The following GBE1 variants were observed in gnomAD, a reference collection of about 807,000 sequenced individuals.
The protein encoded by GBE1 is 1,4-alpha-glucan branching enzyme 1, also known as 1,4-alpha-glucan-branching enzyme.
A neutral mutation model predicts 88.8 loss-of-function variants in GBE1; 70 were observed. That is an observed-to-expected ratio of 0.79 (90% CI 0.65 to 0.96). GBE1 has a LOEUF of 0.96. GBE1 is among the 40% of genes least tolerant of loss of function. GBE1 has a pLI of 0.00. For missense variants in GBE1, 872 were observed against 871.0 expected (o/e 1.00, Z -0.01); for synonymous variants, 284 against 300.1 (o/e 0.95, Z 0.56).
At chr3:81,502,242 A>C (rs1430029713) in intron 14 of GBE1, among the ~76,000 whole-genome samples, 1 of 152,156 alleles carries the variant, frequency 6.6e-6, no homozygotes, top group East Asian at 1.9e-4. Flanking sequence ...AGGACAGTAA[A>C]AGAACAATTG....
chr3:81,551,788 T>C (rs868237082), intron 12 of GBE1, among the ~76,000 whole-genome samples: 15 of 152,166 alleles, frequency 9.9e-5, no homozygotes, highest in African/African-American at 3.4e-4. Context: ...CTTGGCAAAA[T>C]AAACTTTCTA....
chr3:81,557,958 A>G (rs181258251), intron 12 of GBE1, among the ~76,000 whole-genome samples: 14 of 152,196 alleles, frequency 9.2e-5, no homozygotes, highest in African/African-American at 3.4e-4. Flanking sequence ...CTGCAAGTCA[A>G]TGATGATCTT....
intron 2 of GBE1, among the ~76,000 whole-genome samples, chr3:81,690,511 T>C (rs1174817429): frequency 6.6e-6 from 1 of 152,220 alleles, no homozygotes; most frequent in Non-Finnish European, 1.5e-5. Flanking sequence ...CTACTCACTA[T>C]TTTATAGTTA....
intron 7 of GBE1, among the ~76,000 whole-genome samples, chr3:81,600,373 T>A (rs1704016002): frequency 6.6e-6 from 1 of 152,178 alleles, no homozygotes; most frequent in Non-Finnish European, 1.5e-5. Context: ...CACTTAAATT[T>A]ATAATTATGT....
At chr3:81,555,536 TG>T (rs1320092964) in intron 12 of GBE1, among the ~76,000 whole-genome samples, 1 of 152,212 alleles carries the variant, frequency 6.6e-6, no homozygotes, top group Non-Finnish European at 1.5e-5. Context: ...ACTTAAATTA[TG>T]CCATCTGGAG....
Position 81,591,081 on chromosome 3 carries a change from G to C in GBE1, c.1192C>G (p.His398Asp). Residue 398 changes from histidine to aspartate, a missense_variant, in exon 9 of 16, where the codon CAT (histidine) becomes GAT (aspartate). His to Asp is a moderately conservative substitution (Grantham distance 81). Coordinates refer to ENST00000429644, the MANE Select transcript of GBE1 (RefSeq NM_000158.4). ...DALTYLMLAN[H>D]LVHTLCPDSI... ...TCGGGACACAGCGTGTGAACCAAAT[G>C]ATTTGCCAACATGAGGTAAGTCAAG... is the stretch of plus-strand genomic sequence containing the variant. 1 of 1,610,208 alleles carries C rather than the reference G, an allele frequency of 6.2e-7. No homozygotes were observed. The highest frequency in any genetic ancestry group is 8.5e-7 in the Non-Finnish European group (1 of 1,177,920).
intron 15 of GBE1, among the ~76,000 whole-genome samples, chr3:81,496,700 C>T (rs1468888409): frequency 6.6e-6 from 1 of 152,154 alleles, no homozygotes; most frequent in Non-Finnish European, 1.5e-5. Flanking sequence ...AGAATAGGTA[C>T]ATTTGTTAAT....
At chr3:81,603,632 T>A (rs1287365695) in intron 7 of GBE1, among the ~76,000 whole-genome samples, 2 of 152,058 alleles carry the variant, frequency 1.3e-5, no homozygotes, top group Non-Finnish European at 2.9e-5. Context: ...GTAGCTGGGA[T>A]TACAGGCACC....
chr3:81,547,917 C>T (rs1703229777), intron 12 of GBE1, among the ~76,000 whole-genome samples: 1 of 151,320 alleles, frequency 6.6e-6, no homozygotes, highest in South Asian at 2.1e-4. Flanking sequence ...ACAAACTTCG[C>T]TGCAGGTCCC....
intron 1 of GBE1, among the ~76,000 whole-genome samples, chr3:81,750,541 ATATATATATG>A (rs1235317814): frequency 0.019 from 1,899 of 97,436 alleles, 217 homozygotes; most frequent in African/African-American, 0.046. Flanking sequence ...ATATATACGT[ATATATATATG>A]TATATATATA....
At chr3:81,720,765 G>A (rs757427705) in intron 1 of GBE1, among the ~76,000 whole-genome samples, 12 of 151,338 alleles carry the variant, frequency 7.9e-5, no homozygotes, top group Admixed American at 1.3e-4. Context: ...TGTTTATTGC[G>A]GCACTATTCA....
intron 7 of GBE1, among the ~76,000 whole-genome samples, chr3:81,611,020 T>A (rs1028815903): frequency 2.0e-5 from 3 of 151,492 alleles, no homozygotes; most frequent in African/African-American, 4.8e-5. Flanking sequence ...AAAAAAGTAA[T>A]CTTTATAGTA....
intron 8 of GBE1, among the ~76,000 whole-genome samples, chr3:81,593,033 T>TC (rs140069120): frequency 0.071 from 10,811 of 152,004 alleles, 681 homozygotes; most frequent in African/African-American, 0.16. Flanking sequence ...TTTCTTTTTT[T>TC]CTGTTTATTG....
At chr3:81,566,590 ATAGTTCTCTGG>A (rs1703497580) in intron 12 of GBE1, among the ~76,000 whole-genome samples, 1 of 152,124 alleles carries the variant, frequency 6.6e-6, no homozygotes, top group Non-Finnish European at 1.5e-5. Flanking sequence ...ACACCCTACT[ATAGTTCTCTGG>A]TATTTTCACT....
intron 14 of GBE1, among the ~76,000 whole-genome samples, chr3:81,527,874 CCCAAAGGA>C (rs1559634656): frequency 6.6e-6 from 1 of 151,950 alleles, no homozygotes; most frequent in African/African-American, 2.4e-5. Context: ...TGGGTATATA[CCCAAAGGA>C]TTATAAATCA....
At chr3:81,590,547 T>C (rs1703863270) in intron 9 of GBE1, among the ~76,000 whole-genome samples, 2 of 151,958 alleles carry the variant, frequency 1.3e-5, no homozygotes, top group Non-Finnish European at 2.9e-5. Flanking sequence ...CCTTCAACAA[T>C]CATGAATAAC....
intron 14 of GBE1, among the ~76,000 whole-genome samples, chr3:81,504,995 T>C (rs1390031200): frequency 2.6e-5 from 4 of 152,188 alleles, no homozygotes; most frequent in South Asian, 4.1e-4. Flanking sequence ...ACTATAACGA[T>C]GGCAGAGCGG....
intron 1 of GBE1, among the ~76,000 whole-genome samples, chr3:81,742,643 T>C (rs1194041320): frequency 6.6e-6 from 1 of 152,148 alleles, no homozygotes; most frequent in African/African-American, 2.4e-5. Flanking sequence ...AAATTACTAC[T>C]GGCCTGGCTG....
In GBE1 at chr3:81,750,599, ATG is replaced by A. The variant is rs60462883; in HGVS notation, c.143+10774_143+10775del. 6.3e-3 allele frequency among the ~76,000 whole-genome samples: 231 copies of A among 36,622 alleles called. 18 individuals are homozygous for A. The highest frequency in any genetic ancestry group is 0.023 in the African/African-American group (176 of 7,570). The allele number at this position is 36,622 out of a possible 152,430, so 24.0% of individuals were successfully genotyped here. On this transcript the variant is annotated intron_variant, in intron 1 of 15. Coordinates refer to ENST00000429644, the MANE Select transcript of GBE1 (RefSeq NM_000158.4). ...TACGTATATATATACGTATATATAT[ATG>A]TGTATATATATATATGTATATATAT...
Sources: allele counts gnomAD v4.1 joint callset (sites outside exome capture counted in the v4.1 genomes callset), GRCh38; gene constraint gnomAD v4.1.1; transcripts MANE v1.5; gene names NCBI Gene and HGNC (gene_info 2026-07-23, HGNC 2026-07-21).